Variants in TBC1D2 observed in about 807,000 individuals in gnomAD.
TBC1D2 encodes the protein TBC1 domain family member 2A.
A neutral mutation model predicts 91.1 loss-of-function variants in TBC1D2; 58 were observed. The observed-to-expected ratio is 0.64, with a 90% CI of 0.52 to 0.79. The LOEUF (loss-of-function observed/expected upper bound fraction) is 0.79. Among genes scored for constraint, TBC1D2 ranks in the 30% least tolerant of loss-of-function variants. The probability of loss-of-function intolerance (pLI) is 0.00; values close to 1 mark genes in which losing one functional copy is unlikely to be tolerated. For synonymous variants in TBC1D2, 482 were observed against 511.5 expected, an observed-to-expected ratio of 0.94 and a Z score of 0.78; for missense variants, 1,080 against 1,208.3, an observed-to-expected ratio of 0.89 and a Z score of 1.57.
rs61752516 is a variant in TBC1D2, at chr9:98,244,056, A to T, written c.585T>A (p.Ala195=). 43,373 of 1,612,408 alleles carry T rather than the reference A, an allele frequency of 0.027. 1,092 individuals are homozygous for T. Among genetic ancestry groups the T allele is most frequent in the African/African-American group, 0.13 (9,551 of 75,042 alleles). The change falls in exon 3 of 13, where the codon GCT becomes GCA. Residue 195 remains alanine (A), a synonymous_variant. Transcript: ENST00000465784. ...KTPPGLVGVA[A]ALQPFPALQN... ...GAAGGGCAGGGAAGGGCTGCAAGGC[A>T]GCTGCCACGCCCACTAGCCCAGGGG...
chr9:98,204,872 C>T (rs1390818142), intron 9 of TBC1D2, among the ~76,000 whole-genome samples: 4 of 152,200 alleles, frequency 2.6e-5, no homozygotes, highest in South Asian at 2.1e-4. Context: ...CTATCCTTTT[C>T]GTCTGTGCCC....
chr9:98,200,497 C>T, intron 11 of TBC1D2, 123 bp from the exon 12 acceptor site: 5 of 667,842 alleles, frequency 7.5e-6, no homozygotes, highest in Non-Finnish European at 1.1e-5. Flanking sequence ...AAGTTGAGGC[C>T]TGGAGGCACA....
rs377646274 is a variant in TBC1D2 at position 98,208,920 on chromosome 9, C to T, written c.1898G>A (p.Arg633His). The T allele has an allele frequency of 2.3e-5, 37 of 1,614,084 alleles. 1 individual carries two copies. In the African/African-American group the frequency reaches 2.8e-4, roughly 12 times the overall value. ...RAGVPREHRP[R>H]VWRWLVHLRV... is the part of the protein sequence containing the mutation. ...GAGGTGGACCAGCCACCTCCAGACACGAGGCCGGTGTTCACGGGGTACTCC... is the reference window on the plus strand; with the variant it reads ...GAGGTGGACCAGCCACCTCCAGACATGAGGCCGGTGTTCACGGGGTACTCC... The change falls in exon 9 of 13, where the codon CGT (arginine) becomes CAT (histidine). Residue 633 changes from arginine to histidine, a missense_variant. Arg to His is a conservative substitution (Grantham distance 29, BLOSUM62 0). Transcript: ENST00000465784.
intron 4 of TBC1D2, among the ~76,000 whole-genome samples, chr9:98,231,279 C>CTTTG (rs1829362112): frequency 1.3e-5 from 1 of 76,740 alleles, no homozygotes; most frequent in Non-Finnish European, 2.3e-5. Context: ...CTCAACTCTG[C>CTTTG]TTTTTTTTTT....
In TBC1D2 at chr9:98,209,756, TTTCCTTCCTTCC is replaced by T. The variant is rs3059560; in HGVS notation, c.1674-624_1674-613del. ...TTCCTTCTTTCCTTTCCTTCCTTCC[TTTCCTTCCTTCC>T]TTCCTTCCTTCCTTCCTTCCTTCCT... is the stretch of plus-strand genomic sequence containing the variant. On this transcript the variant is annotated intron_variant, in intron 8 of 12. Transcript: ENST00000465784. Among the ~76,000 whole-genome samples the T allele has an allele frequency of 5.5e-3, 585 of 105,574 alleles. 6 individuals are homozygous for T. The highest frequency in any genetic ancestry group is 0.021 in the African/African-American group (494 of 24,060). 69.3% of individuals were successfully genotyped at this position (105,574 alleles called of 152,430 possible).
intron 2 of TBC1D2, among the ~76,000 whole-genome samples, chr9:98,246,561 A>T (rs1829768289): frequency 1.3e-5 from 2 of 152,142 alleles, no homozygotes; most frequent in Admixed American, 6.6e-5. Context: ...AGTGAGAAGA[A>T]TAAAAGCAGA....
Position 98,228,342 on chromosome 9 carries a change from T to C in TBC1D2, c.978+610A>G, listed in dbSNP as rs1472957723. Among the ~76,000 whole-genome samples the C allele has an allele frequency of 6.6e-6, 1 of 152,254 alleles. No homozygotes were observed. The highest frequency in any genetic ancestry group is 1.5e-5 in the Non-Finnish European group (1 of 68,044). ...TTAATACCATTTACTCTCTGGGATG[T>C]AGGATTTTGGAGTAGTTTTAATGTC... On this transcript the variant is annotated intron_variant, in intron 5 of 12. Transcript: ENST00000465784. This position sits in a 1 kb window ranked among gnomAD's most constrained non-coding sequence, Gnocchi z 4.0.
intron 6 of TBC1D2, among the ~76,000 whole-genome samples, 178 bp downstream of exon 6, chr9:98,220,651 TAAAG>T (rs1829071854): frequency 6.6e-6 from 1 of 152,118 alleles, no homozygotes; most frequent in Admixed American, 6.5e-5. Flanking sequence ...GGCCTTGTGG[TAAAG>T]AAAGTGAAGA....
Position 98,233,508 on chromosome 9 carries a change from C to A in TBC1D2, c.689G>T (p.Gly230Val). 6.2e-7 allele frequency: 1 copy of A among 1,614,182 alleles called. No individual in the cohort carries two copies. Among genetic ancestry groups the A allele is most frequent in the Non-Finnish European group, 8.5e-7 (1 of 1,180,024 alleles). The change falls in exon 4 of 13, where the codon GGA becomes GTA. Residue 230 changes from glycine (G) to valine (V), a missense_variant. Coordinates refer to ENST00000465784, the MANE Select transcript of TBC1D2 (RefSeq NM_001267571.2). ...TTCCCCTGGAGGTTCATGGCCTGTT[C>A]CCTGGGCCTGCTTGTTGCCACGGAT... ...HNIRGNKQAQ[G>V]TGHEPPGEDS...
At chr9:98,235,606 T>C (rs765451555) in intron 3 of TBC1D2, 1 of 419,072 alleles carries the variant, frequency 2.4e-6, no homozygotes, top group Admixed American at 3.1e-5. Flanking sequence ...TCAGCTATAA[T>C]CCTAGAATTA....
At chr9:98,212,194 T>C (rs1417966087) in intron 7 of TBC1D2, among the ~76,000 whole-genome samples, 2 of 152,170 alleles carry the variant, frequency 1.3e-5, no homozygotes, top group Non-Finnish European at 2.9e-5. Flanking sequence ...GCAGTCTTCT[T>C]GGAACAGGAA....
chr9:98,225,500 C>T (rs558660238), intron 5 of TBC1D2, among the ~76,000 whole-genome samples: 2 of 152,270 alleles, frequency 1.3e-5, no homozygotes, highest in East Asian at 3.9e-4. Context: ...GAGGAGGCAG[C>T]CCAGCCTCTA....
chr9:98,254,849 T>C (rs1158231299), intron 1 of TBC1D2, among the ~76,000 whole-genome samples: 1 of 152,088 alleles, frequency 6.6e-6, no homozygotes, highest in African/African-American at 2.4e-5. Context: ...CACCCAAAAG[T>C]AAAAGTTTTG....
At chr9:98,213,829 T>C (rs769727479) in intron 6 of TBC1D2, among the ~76,000 whole-genome samples, 9 of 152,214 alleles carry the variant, frequency 5.9e-5, no homozygotes, top group Non-Finnish European at 1.3e-4. Context: ...CCTGGGGTGT[T>C]TGCAGTTGGT....
chr9:98,249,355 GT>G (rs559673232), intron 2 of TBC1D2, among the ~76,000 whole-genome samples: 233 of 152,334 alleles, frequency 1.5e-3, no homozygotes, highest in African/African-American at 5.6e-3. Flanking sequence ...GAGGCCCGCC[GT>G]GTGTGCTGAA....
Position 98,247,157 on chromosome 9 carries a change from T to C in TBC1D2, c.512-3028A>G, listed in dbSNP as rs1426176946. Among the ~76,000 whole-genome samples, 6 of 150,736 alleles carry C rather than the reference T, an allele frequency of 4.0e-5. No homozygotes were observed. The East Asian group carries it at 9.9e-4, about 25-fold the overall frequency. On this transcript the variant is annotated intron_variant, in intron 2 of 12. Transcript: ENST00000465784. ...AGCCTGGCCAACGTGGGGAAACCCA[T>C]CTCTACTAAAAATACAAAAACAAAC...
chr9:98,243,297 T>C (rs191628921), intron 3 of TBC1D2, among the ~76,000 whole-genome samples: 5 of 152,230 alleles, frequency 3.3e-5, no homozygotes, highest in African/African-American at 1.2e-4. Context: ...GCAATATGTA[T>C]ATAGAAAATG....
intron 4 of TBC1D2, among the ~76,000 whole-genome samples, chr9:98,231,290 T>TG (rs1829363304): frequency 6.7e-6 from 1 of 149,244 alleles, no homozygotes; most frequent in Admixed American, 6.7e-5. Flanking sequence ...TTTTTTTTTT[T>TG]TTTTTTTTTT....
At chr9:98,229,205 C>G (rs1829309927) in intron 4 of TBC1D2, 57 bp from the exon 5 acceptor site, 1 of 1,552,938 alleles carries the variant, frequency 6.4e-7, no homozygotes, top group South Asian at 1.2e-5. Context: ...GTTCTCAAAC[C>G]TGAGCTTGCT....
Sources: gnomAD v4.1 joint callset for allele counts (sites outside exome capture counted in the v4.1 genomes callset) on GRCh38, gnomAD v4.1.1 for gene constraint, Gnocchi (gnomAD v3.1) non-coding constraint, MANE v1.5 for transcripts, NCBI Gene and HGNC (gene_info 2026-07-23, HGNC 2026-07-21) for gene names.